The following LYRM9 variants were observed in gnomAD, a reference collection of about 807,000 sequenced individuals.
LYRM9 encodes LYR motif containing 9, also known as LYR motif-containing protein 9.
LYRM9 carries 14 observed loss-of-function variants against 12.6 expected under a neutral mutation model. That is an observed-to-expected ratio of 1.11 (90% CI 0.73 to 1.73). The LOEUF (loss-of-function observed/expected upper bound fraction) is 1.73, where lower values mean the gene tolerates loss of function less well. Ranked by LOEUF, LYRM9 falls within the 40% of genes most tolerant of loss-of-function variation. LYRM9 has a pLI of 0.00. For synonymous variants in LYRM9, 42 were observed against 35.1 expected, an observed-to-expected ratio of 1.20 and a Z score of -0.69; for missense variants, 94 against 95.0, an observed-to-expected ratio of 0.99 and a Z score of 0.04.
At chr17:27,879,904 C>A (rs891224419) in intron 3 of LYRM9, 2 of 591,458 alleles carry the variant, frequency 3.4e-6, no homozygotes, top group Non-Finnish European at 6.0e-6. Context: ...TGTGAATACC[C>A]CCCAGAGACA....
At chr17:27,882,522 G>A in intron 2 of LYRM9, 47 bp downstream of exon 2, 4 of 1,509,788 alleles carry the variant, frequency 2.6e-6, no homozygotes, top group Non-Finnish European at 3.5e-6. Context: ...GCGCCCCTAA[G>A]CCTGCCATTA....
At chr17:27,889,788 T>C (rs1395144370) in intron 1 of LYRM9, among the ~76,000 whole-genome samples, 2 of 152,102 alleles carry the variant, frequency 1.3e-5, no homozygotes, top group African/African-American at 2.4e-5. Flanking sequence ...TAACCCTATA[T>C]ACTGTAAGCA....
Position 27,879,400 on chromosome 17 carries a change from A to AGCT in LYRM9, c.*70_*72dup, listed in dbSNP as rs1324391877. 2.7e-6 allele frequency: 4 copies of AGCT among 1,485,530 alleles called. No homozygotes were observed. The East Asian group carries it at 7.6e-5, about 28-fold the overall frequency. The allele number at this position is 1,485,530 out of a possible 1,614,324, so 92.0% of individuals were successfully genotyped here. A position where few individuals can be genotyped will look rare whatever the true frequency, so the allele number is the denominator to read the frequency against. The stretch of plus-strand genomic sequence containing the variant: ...ACAAGGCCAATGGCTCTTCCAAACC[A>AGCT]GCTGCTGCTGCTGAGCTCCAGAAGA... On this transcript the variant is annotated 3_prime_UTR_variant, in exon 4 of 4. Coordinates refer to ENST00000379102, the MANE Select transcript of LYRM9 (RefSeq NM_001076680.3).
intron 1 of LYRM9, 60 bp from the exon 2 acceptor site, chr17:27,882,772 C>T (rs1567663307): frequency 6.8e-7 from 1 of 1,479,600 alleles, no homozygotes; most frequent in East Asian, 2.5e-5. Flanking sequence ...TCAGCCCTGA[C>T]CCCCAGTTCC....
chr17:27,880,484 A>G (rs1191555876), intron 2 of LYRM9, 118 bp from the exon 3 acceptor site: 5 of 676,632 alleles, frequency 7.4e-6, no homozygotes, highest in Non-Finnish European at 1.0e-5. Context: ...AGCTCTCTTC[A>G]TCCTCCATAG....
At chr17:27,890,053 G>A (rs888356550) in intron 1 of LYRM9, among the ~76,000 whole-genome samples, 24 of 152,208 alleles carry the variant, frequency 1.6e-4, no homozygotes, top group African/African-American at 5.8e-4. Flanking sequence ...AGGAAACTGA[G>A]GCCCTGAGAG....
chr17:27,884,033 TCCCTCCCG>T (rs1905156436), intron 1 of LYRM9, among the ~76,000 whole-genome samples: 2 of 120,242 alleles, frequency 1.7e-5, no homozygotes, highest in East Asian at 2.9e-4. Context: ...TTGTAATCCC[TCCCTCCCG>T]CCCTCCCGAC....
intron 1 of LYRM9, chr17:27,892,077 C>G (rs1268024176): frequency 5.7e-6 from 1 of 174,078 alleles, no homozygotes; most frequent in East Asian, 1.7e-4. Flanking sequence ...CACAGGCACA[C>G]GCCACCACGT....
intron 1 of LYRM9, among the ~76,000 whole-genome samples, chr17:27,889,763 C>G (rs1464338517): frequency 6.6e-6 from 1 of 152,042 alleles, no homozygotes; most frequent in Non-Finnish European, 1.5e-5. Context: ...AGGGTAAAGA[C>G]AAAGAGAAAG....
At chr17:27,884,653 G>A (rs752686166) in intron 1 of LYRM9, among the ~76,000 whole-genome samples, 2 of 152,190 alleles carry the variant, frequency 1.3e-5, no homozygotes, top group African/African-American at 4.8e-5. Flanking sequence ...GGACTCATCT[G>A]CTACCTCGCC....
intron 1 of LYRM9, among the ~76,000 whole-genome samples, chr17:27,885,207 C>T (rs991177149): frequency 4.3e-4 from 65 of 152,346 alleles, no homozygotes; most frequent in African/African-American, 1.3e-3. Flanking sequence ...AGCTCACACA[C>T]GGGCACGTGC....
chr17:27,885,701 CA>C (rs61615628), intron 1 of LYRM9, among the ~76,000 whole-genome samples: 5,341 of 29,348 alleles, frequency 0.18, 37 homozygotes, highest in African/African-American at 0.25. Flanking sequence ...AACTCTGTCT[CA>C]AAAAAAAAAA....
intron 1 of LYRM9, among the ~76,000 whole-genome samples, chr17:27,887,499 G>A (rs545631078): frequency 6.0e-4 from 92 of 152,254 alleles, no homozygotes; most frequent in African/African-American, 2.0e-3. Flanking sequence ...TGGCCTGCAA[G>A]GCCCCTCTCG....
intron 1 of LYRM9, among the ~76,000 whole-genome samples, chr17:27,890,436 A>G (rs933673763): frequency 2.6e-5 from 4 of 152,248 alleles, no homozygotes; most frequent in Non-Finnish European, 5.9e-5. Context: ...GCTGACATCA[A>G]TTACACAGAT....
At chr17:27,880,054 G>C in intron 3 of LYRM9, 2 of 693,574 alleles carry the variant, frequency 2.9e-6, no homozygotes, top group Non-Finnish European at 5.2e-6. Flanking sequence ...TTGCCTTTAA[G>C]GATGAAGAGT....
chr17:27,880,334 A>C lies in LYRM9; in HGVS notation c.159T>G (p.Pro53=). The C allele has an allele frequency of 6.2e-7, 1 of 1,609,212 alleles. No individual in the cohort carries two copies. Among genetic ancestry groups the C allele is most frequent in the Non-Finnish European group, 8.5e-7 (1 of 1,177,518 alleles). Residue 53 remains proline, a synonymous_variant, in exon 3 of 4, where the codon CCT becomes CCG. Coordinates refer to ENST00000379102, the MANE Select transcript of LYRM9 (RefSeq NM_001076680.3). ...TTTTAATAATCTGCTGGATTCTCTC[A>C]GGGTTGTCTTCATCTGAATGAACCC... ...SFRVHSDEDN[P]ERIQQIIKRA... is the part of the protein sequence containing the mutation.
chr17:27,892,801 T>TTATATCTCAATATCTCAATAAA (rs1387668923), intron 1 of LYRM9: 1 of 158,612 alleles, frequency 6.3e-6, no homozygotes, highest in Non-Finnish European at 1.4e-5. Context: ...GCTTCGTGAA[T>TTATATCTCAATATCTCAATAAA]TATATCTCAA....
At position 27,883,222 on chromosome 17, in the gene LYRM9, A is replaced by C. The variant is rs990418393; in HGVS notation, c.-18-510T>G. The C allele has an allele frequency of 2.3e-5, 7 of 300,444 alleles. No homozygotes were observed. In the East Asian group the frequency reaches 6.8e-4, roughly 29 times the overall value. 18.6% of individuals were successfully genotyped at this position (300,444 alleles called of 1,614,324 possible). A position where few individuals can be genotyped will look rare whatever the true frequency, so the allele number is the denominator to read the frequency against. On this transcript the variant is annotated intron_variant, in intron 1 of 3. Transcript: ENST00000379102. ...GTCTTGGGCCCCACCCCAAAGACCC[A>C]CCAGATCAAACCTGCATTTTAACAA...
intron 1 of LYRM9, among the ~76,000 whole-genome samples, chr17:27,883,492 A>C (rs1442323366): frequency 6.6e-6 from 1 of 152,114 alleles, no homozygotes; most frequent in Non-Finnish European, 1.5e-5. Context: ...TCTACTAAAA[A>C]TACAAAAATT....
Sources: gnomAD v4.1 joint callset for allele counts (sites outside exome capture counted in the v4.1 genomes callset) on GRCh38, gnomAD v4.1.1 for gene constraint, MANE v1.5 for transcripts, NCBI Gene and HGNC (gene_info 2026-07-23, HGNC 2026-07-21) for gene names.